Variants in ABHD2 observed in about 807,000 individuals in gnomAD.
ABHD2 encodes monoacylglycerol lipase ABHD2.
ABHD2 carries 20 observed loss-of-function variants against 48.1 expected under a neutral mutation model. That is an observed-to-expected ratio of 0.42 (90% CI 0.29 to 0.60). ABHD2 has a LOEUF of 0.60. Ranked by LOEUF, ABHD2 falls within the 20% of genes least tolerant of loss-of-function variation. The pLI, the probability that ABHD2 is intolerant of heterozygous loss-of-function variation, is 0.24. For missense variants in ABHD2, 405 were observed against 550.9 expected (o/e 0.74, Z 2.65); for synonymous variants, 209 against 214.2 (o/e 0.98, Z 0.21).
chr15:89,191,243 C>T (rs1255806469), intron 9 of ABHD2, 94 bp downstream of exon 9: 4 of 1,302,928 alleles, frequency 3.1e-6, no homozygotes, highest in Non-Finnish European at 4.3e-6. Context: ...CTGGTGGAAG[C>T]TCAGCTGGAA....
At chr15:89,123,756 G>GC (rs2050090352) in intron 3 of ABHD2, among the ~76,000 whole-genome samples, 1 of 151,592 alleles carries the variant, frequency 6.6e-6, no homozygotes, top group Non-Finnish European at 1.5e-5. Flanking sequence ...CACCACCATG[G>GC]CTGGCTAATT....
In ABHD2 at chr15:89,198,853, G is replaced by GT. The variant is rs1175771337; in HGVS notation, c.*3431dup. On this transcript the variant is annotated 3_prime_UTR_variant, in exon 11 of 11. Coordinates refer to ENST00000352732, the MANE Select transcript of ABHD2 (RefSeq NM_152924.5). This position sits in a 1 kb window ranked among gnomAD's most constrained non-coding sequence, Gnocchi z 5.1. ...GGGGCTTCTGCATTAAGCTTTCCTG[G>GT]TGAAGACCCTTGATCTTGTCCAAAG... 1 of 152,234 alleles carries GT rather than the reference G, an allele frequency of 6.6e-6. No individual in the cohort carries two copies. The highest frequency in any genetic ancestry group is 1.5e-5 in the Non-Finnish European group (1 of 68,082). 9.4% of individuals were successfully genotyped at this position (152,234 alleles called of 1,614,324 possible).
At chr15:89,059,434 C>T in the ABHD2 span, among the ~76,000 whole-genome samples, 1 of 152,142 alleles carries the variant, frequency 6.6e-6, no homozygotes, top group Non-Finnish European at 1.5e-5. Context: ...TTTTCTGACC[C>T]ACAGATCTGA....
Position 89,145,291 on chromosome 15 carries a change from G to T in ABHD2, c.195-6386G>T, listed in dbSNP as rs115117717. The stretch of plus-strand genomic sequence containing the variant: ...CAAAACAAAACAAAAAAACACTTCA[G>T]CCCTTTTGTGTGCTCAGATTTGCTT... On this transcript the variant is annotated intron_variant, in intron 3 of 10. Coordinates refer to ENST00000352732, the MANE Select transcript of ABHD2 (RefSeq NM_152924.5). 3.8e-3 allele frequency among the ~76,000 whole-genome samples: 572 copies of T among 152,232 alleles called. 4 individuals carry two copies. Among genetic ancestry groups the T allele is most frequent in the African/African-American group, 0.013 (554 of 41,554 alleles).
At chr15:89,074,198 A>C in the ABHD2 span, among the ~76,000 whole-genome samples, 1 of 152,146 alleles carries the variant, frequency 6.6e-6, no homozygotes, top group African/African-American at 2.4e-5. Flanking sequence ...ACATGGGGAA[A>C]CCCAGTCTCT....
In ABHD2 at chr15:89,175,302, G is replaced by T. The variant is rs537270876; in HGVS notation, c.539-510G>T. Among the ~76,000 whole-genome samples, 26 of 152,154 alleles carry T rather than the reference G, an allele frequency of 1.7e-4. No individual in the cohort carries two copies. The highest frequency in any genetic ancestry group is 3.1e-4 in the Non-Finnish European group (21 of 68,030). On this transcript the variant is annotated intron_variant, in intron 5 of 10. Coordinates refer to ENST00000352732, the MANE Select transcript of ABHD2 (RefSeq NM_152924.5). The surrounding 1 kb of genome is among the most constrained non-coding windows in gnomAD (Gnocchi z 5.7). ...TGCAGTGATGCGATCTTGGCTCACT[G>T]TAGCCTCTGCCTCCCCGGCTCAAGG...
intron 3 of ABHD2, among the ~76,000 whole-genome samples, chr15:89,134,248 A>T (rs1178460952): frequency 6.6e-6 from 1 of 152,178 alleles, no homozygotes; most frequent in Non-Finnish European, 1.5e-5. Context: ...GATTATTTTT[A>T]AAAGCCTAGA....
intron 1 of ABHD2, among the ~76,000 whole-genome samples, chr15:89,090,609 C>A (rs1315415316): frequency 5.3e-5 from 8 of 151,618 alleles, no homozygotes; most frequent in Non-Finnish European, 1.5e-5. Flanking sequence ...AATTTAGTTT[C>A]TATGTTAGTT....
intron 10 of ABHD2, among the ~76,000 whole-genome samples, chr15:89,194,955 T>C (rs1384088356): frequency 2.0e-5 from 3 of 152,144 alleles, no homozygotes; most frequent in Non-Finnish European, 4.4e-5. Flanking sequence ...GATTCTAATA[T>C]GCAGCCGAGT....
the ABHD2 span, among the ~76,000 whole-genome samples, chr15:89,056,908 C>CGTTTTTTT: frequency 2.3e-5 from 2 of 87,418 alleles, no homozygotes; most frequent in Non-Finnish European, 2.1e-5. Flanking sequence ...TAAGTGATAC[C>CGTTTTTTT]TTTTTTTTTT....
rs1168047541 is a variant in ABHD2, at chr15:89,182,580, G to A, written c.723-2844G>A. Among the ~76,000 whole-genome samples, 1 of 152,120 alleles carries A rather than the reference G, an allele frequency of 6.6e-6. No homozygotes were observed. Among genetic ancestry groups the A allele is most frequent in the Non-Finnish European group, 1.5e-5 (1 of 68,016 alleles). On this transcript the variant is annotated intron_variant, in intron 6 of 10. Coordinates refer to ENST00000352732, the MANE Select transcript of ABHD2 (RefSeq NM_152924.5). The surrounding 1 kb of genome is among the most constrained non-coding windows in gnomAD (Gnocchi z 4.8). Reference sequence around the variant, plus strand: ...GAGACCTAGAGATCACTTGAGGTCAGGAGTTCTAGACCACCCTGGCCAACA... The same window carrying A: ...GAGACCTAGAGATCACTTGAGGTCAAGAGTTCTAGACCACCCTGGCCAACA...
At chr15:89,138,929 T>A (rs2050359653) in intron 3 of ABHD2, among the ~76,000 whole-genome samples, 1 of 151,948 alleles carries the variant, frequency 6.6e-6, no homozygotes, top group Non-Finnish European at 1.5e-5. Flanking sequence ...AAGATTAAGC[T>A]AGAAGGCCGG....
rs1233175408 is a variant in ABHD2 at position 89,199,346 on chromosome 15, G to C, written c.*3923G>C. ...AAGTTGAAGTCACTCATAGGTCTTT[G>C]TCCTTTAGGCAGGACAGGAGAGTCA... On this transcript the variant is annotated 3_prime_UTR_variant, in exon 11 of 11. Coordinates refer to ENST00000352732, the MANE Select transcript of ABHD2 (RefSeq NM_152924.5). The surrounding 1 kb of genome is among the most constrained non-coding windows in gnomAD (Gnocchi z 4.1). 2 of 152,524 alleles carry C rather than the reference G, an allele frequency of 1.3e-5. No homozygotes were observed. Among genetic ancestry groups the C allele is most frequent in the African/African-American group, 4.8e-5 (2 of 41,394 alleles). The allele number at this position is 152,524 out of a possible 1,614,324, so 9.4% of individuals were successfully genotyped here. A position where few individuals can be genotyped will look rare whatever the true frequency, so the allele number is the denominator to read the frequency against.
chr15:89,115,739 G>A (rs1472675309), intron 2 of ABHD2, among the ~76,000 whole-genome samples: 1 of 152,152 alleles, frequency 6.6e-6, no homozygotes, highest in Non-Finnish European at 1.5e-5. Flanking sequence ...GCAGATGGCT[G>A]AGTCAGGCTG....
At chr15:89,088,074 C>G (rs906404376), upstream of ABHD2, 1 of 152,280 alleles carries the variant, frequency 6.6e-6, no homozygotes, top group African/African-American at 2.4e-5. This position sits in a 1 kb window ranked among gnomAD's most constrained non-coding sequence, Gnocchi z 6.8. Context: ...TTACCCAGCC[C>G]TCTAAAGCAG....
In ABHD2 at chr15:89,185,851, C is replaced by T. The variant is rs576421281; in HGVS notation, c.815+335C>T. 1.3e-5 allele frequency among the ~76,000 whole-genome samples: 2 copies of T among 152,244 alleles called. No homozygotes were observed. Among genetic ancestry groups the T allele is most frequent in the African/African-American group, 4.8e-5 (2 of 41,556 alleles). The stretch of plus-strand genomic sequence containing the variant: ...GGGCATGATGGTGCCGCTGTAATCC[C>T]AGCTACTTGGGAGGCTGAGGCAGGA... On this transcript the variant is annotated intron_variant, in intron 7 of 10. Transcript: ENST00000352732. The surrounding 1 kb of genome is among the most constrained non-coding windows in gnomAD (Gnocchi z 5.9).
the ABHD2 span, among the ~76,000 whole-genome samples, chr15:89,047,614 G>T: frequency 6.0e-5 from 9 of 150,758 alleles, no homozygotes; most frequent in African/African-American, 9.9e-5. Context: ...AGGATAGTCA[G>T]CTCTTCTTGT....
intron 5 of ABHD2, among the ~76,000 whole-genome samples, chr15:89,163,110 T>A (rs1567098611): frequency 6.6e-6 from 1 of 152,236 alleles, no homozygotes; most frequent in Non-Finnish European, 1.5e-5. Flanking sequence ...TTTTTGCAAC[T>A]GTGATCTTGA....
the ABHD2 span, among the ~76,000 whole-genome samples, chr15:89,055,329 T>C: frequency 2.0e-5 from 3 of 150,530 alleles, no homozygotes; most frequent in East Asian, 1.9e-4. Context: ...GTTTCTTTTT[T>C]TTTTTTTTTT....
Sources: gnomAD v4.1 joint callset for allele counts (sites outside exome capture counted in the v4.1 genomes callset) on GRCh38, gnomAD v4.1.1 for gene constraint, Gnocchi (gnomAD v3.1) non-coding constraint, MANE v1.5 for transcripts, NCBI Gene and HGNC (gene_info 2026-07-23, HGNC 2026-07-21) for gene names.